The following SEMA3C variants were observed in gnomAD, a reference collection of about 807,000 sequenced individuals.
The protein encoded by SEMA3C is semaphorin 3C.
Under a neutral mutation model 89.4 loss-of-function variants are expected in SEMA3C, and 47 were observed. That is an observed-to-expected ratio of 0.53 (90% CI 0.42 to 0.67). The LOEUF (loss-of-function observed/expected upper bound fraction) is 0.67. Among genes scored for constraint, SEMA3C ranks in the 30% least tolerant of loss-of-function variants. SEMA3C has a pLI of 0.00. For missense variants in SEMA3C, 839 were observed against 929.1 expected (o/e 0.90, Z 1.26); for synonymous variants, 310 against 320.2 (o/e 0.97, Z 0.34).
At chr7:80,875,715 A>G (rs1012601372) in intron 2 of SEMA3C, among the ~76,000 whole-genome samples, 1 of 151,910 alleles carries the variant, frequency 6.6e-6, no homozygotes, top group Non-Finnish European at 1.5e-5. Flanking sequence ...CTGACTGCAG[A>G]AGTATCTCAG....
chr7:80,830,125 T>C lies in SEMA3C; in HGVS notation c.104-1380A>G, dbSNP rs148667339. ...ATTTTCTGGGCACATTTGTTCAGAATGTCTGCCATAATATCCTGCAAGTAG... is the reference window on the plus strand; with the variant it reads ...ATTTTCTGGGCACATTTGTTCAGAACGTCTGCCATAATATCCTGCAAGTAG... On this transcript the variant is annotated intron_variant, in intron 2 of 17. Coordinates refer to ENST00000265361, the MANE Select transcript of SEMA3C (RefSeq NM_006379.5). Among the ~76,000 whole-genome samples the C allele has an allele frequency of 5.3e-3, 801 of 152,288 alleles. 7 individuals carry two copies. The highest frequency in any genetic ancestry group is 0.018 in the African/African-American group (728 of 41,558).
At chr7:80,866,503 AT>A (rs1790929789) in intron 2 of SEMA3C, among the ~76,000 whole-genome samples, 1 of 152,184 alleles carries the variant, frequency 6.6e-6, no homozygotes, top group Non-Finnish European at 1.5e-5. Context: ...TAAATAAAAA[AT>A]AAAAAAAAGA....
At chr7:80,863,337 A>C (rs1020376679) in intron 2 of SEMA3C, among the ~76,000 whole-genome samples, 1 of 150,220 alleles carries the variant, frequency 6.7e-6, no homozygotes, top group African/African-American at 2.4e-5. Context: ...TAATCAAAAT[A>C]TTAAAAAAAA....
intron 11 of SEMA3C, among the ~76,000 whole-genome samples, chr7:80,794,506 T>C (rs1055740780): frequency 2.6e-5 from 4 of 152,076 alleles, no homozygotes; most frequent in Non-Finnish European, 5.9e-5. Context: ...AGAAGACGTA[T>C]GTAATCAACA....
At chr7:80,834,364 T>C (rs1017074393) in intron 2 of SEMA3C, among the ~76,000 whole-genome samples, 3 of 152,130 alleles carry the variant, frequency 2.0e-5, no homozygotes, top group Admixed American at 6.5e-5. Context: ...TTCTTTGTAA[T>C]AGAAACCACT....
Position 80,802,699 on chromosome 7 carries a change from A to G in SEMA3C, c.882T>C (p.Asp294=), listed in dbSNP as rs1021953860. The G allele has an allele frequency of 1.2e-6, 2 of 1,613,336 alleles. No individual in the cohort carries two copies. The highest frequency in any genetic ancestry group is 1.7e-6 in the Non-Finnish European group (2 of 1,179,482). ...LKARLVCSVT[D]EDGPETHFDE... Reference sequence around the variant, plus strand: ...CAAAGTGTGTTTCTGGGCCGTCTTCATCTGTTACCGAGCACACCAGCCTCG... The same window carrying G: ...CAAAGTGTGTTTCTGGGCCGTCTTCGTCTGTTACCGAGCACACCAGCCTCG... The change falls in exon 9 of 18, where the codon GAT becomes GAC. Residue 294 remains aspartate, a synonymous_variant. Transcript: ENST00000265361.
intron 12 of SEMA3C, among the ~76,000 whole-genome samples, chr7:80,783,341 T>C (rs757678972): frequency 5.3e-5 from 8 of 152,150 alleles, no homozygotes; most frequent in Non-Finnish European, 1.0e-4. Flanking sequence ...TGACTTATCA[T>C]CTATCTCCCA....
Position 80,759,309 on chromosome 7 carries a change from T to C in SEMA3C, c.1486-821A>G, listed in dbSNP as rs549186631. On this transcript the variant is annotated intron_variant, in intron 14 of 17. Coordinates refer to ENST00000265361, the MANE Select transcript of SEMA3C (RefSeq NM_006379.5). Reference sequence around the variant, plus strand: ...ATCTGTAAGCTGAAACCTGATGCAGTTGTATGGGTGTGTGTGTACTCCTCC... The same window carrying C: ...ATCTGTAAGCTGAAACCTGATGCAGCTGTATGGGTGTGTGTGTACTCCTCC... Among the ~76,000 whole-genome samples, 20 of 152,312 alleles carry C rather than the reference T, an allele frequency of 1.3e-4. No individual in the cohort carries two copies. The East Asian group carries it at 3.7e-3, about 28-fold the overall frequency.
At chr7:80,891,128 A>C (rs1791601378) in intron 2 of SEMA3C, among the ~76,000 whole-genome samples, 1 of 152,150 alleles carries the variant, frequency 6.6e-6, no homozygotes, top group South Asian at 2.1e-4. Context: ...CATGTAATAG[A>C]GGTCTACCTT....
chr7:80,910,769 T>C (rs1001345456), intron 2 of SEMA3C, among the ~76,000 whole-genome samples: 1 of 151,734 alleles, frequency 6.6e-6, no homozygotes, highest in Non-Finnish European at 1.5e-5. Context: ...CCTCCTTATA[T>C]AAAAGATGTT....
At chr7:80,794,604 C>G (rs1370423856) in intron 11 of SEMA3C, among the ~76,000 whole-genome samples, 1 of 152,144 alleles carries the variant, frequency 6.6e-6, no homozygotes, top group Non-Finnish European at 1.5e-5. Context: ...TGTACCCGAC[C>G]TGTCCAAGGC....
intron 15 of SEMA3C, 89 bp from the exon 16 acceptor site, chr7:80,751,425 C>A: frequency 1.7e-6 from 2 of 1,152,388 alleles, no homozygotes; most frequent in South Asian, 1.3e-5. Flanking sequence ...AACTTTGCAC[C>A]CTTTTTATTG....
intron 2 of SEMA3C, among the ~76,000 whole-genome samples, chr7:80,879,232 G>T (rs1791276991): frequency 6.6e-6 from 1 of 152,096 alleles, no homozygotes; most frequent in South Asian, 2.1e-4. Flanking sequence ...AAAAACAATG[G>T]GAGATGTCTG....
chr7:80,845,095 C>T (rs1790358949), intron 2 of SEMA3C, among the ~76,000 whole-genome samples: 1 of 152,098 alleles, frequency 6.6e-6, no homozygotes, highest in African/African-American at 2.4e-5. Context: ...TTGATACGAC[C>T]TCTCCCCCTC....
chr7:80,775,886 A>T (rs1788538119), intron 12 of SEMA3C, among the ~76,000 whole-genome samples: 1 of 152,100 alleles, frequency 6.6e-6, no homozygotes, highest in Admixed American at 6.5e-5. Context: ...CCTTTTTTTA[A>T]AAAAAATTAT....
At chr7:80,813,351 C>T (rs1419477183) in intron 5 of SEMA3C, among the ~76,000 whole-genome samples, 6 of 152,116 alleles carry the variant, frequency 3.9e-5, no homozygotes, top group Non-Finnish European at 8.8e-5. Context: ...GTACAGTGGC[C>T]TTTCAAAGAT....
intron 2 of SEMA3C, among the ~76,000 whole-genome samples, chr7:80,910,750 T>G (rs1045228181): frequency 2.6e-5 from 4 of 151,904 alleles, no homozygotes; most frequent in African/African-American, 9.7e-5. Context: ...AATAAGTTAT[T>G]TTTTACAACC....
rs568324595 is a variant in SEMA3C at position 80,851,469 on chromosome 7, G to A, written c.104-22724C>T. Among the ~76,000 whole-genome samples, 47 of 136,698 alleles carry A rather than the reference G, an allele frequency of 3.4e-4. 1 individual carries two copies. In the South Asian group the frequency reaches 8.0e-3, roughly 23 times the overall value. The allele number at this position is 136,698 out of a possible 152,430, so 89.7% of individuals were successfully genotyped here. On this transcript the variant is annotated intron_variant, in intron 2 of 17. Coordinates refer to ENST00000265361, the MANE Select transcript of SEMA3C (RefSeq NM_006379.5). ...CAGTGAGCCGAGGTCGTGCCACTGC[G>A]CTCCAGCTGGGTGACAGAGCAAGAC...
chr7:80,788,502 A>G (rs1788856937), intron 12 of SEMA3C, among the ~76,000 whole-genome samples: 1 of 152,164 alleles, frequency 6.6e-6, no homozygotes, highest in South Asian at 2.1e-4. Flanking sequence ...GCACCTCAGA[A>G]TTTGTATTTC....
Sources: allele counts gnomAD v4.1 joint callset (sites outside exome capture counted in the v4.1 genomes callset), GRCh38; gene constraint gnomAD v4.1.1; transcripts MANE v1.5; gene names NCBI Gene and HGNC (gene_info 2026-07-23, HGNC 2026-07-21).